Variants in TLE4 observed in about 807,000 individuals in gnomAD.
TLE4 encodes the protein transducin-like enhancer protein 4.
TLE4 carries 8 observed loss-of-function variants against 92.8 expected under a neutral mutation model. The observed-to-expected ratio is 0.09, with a 90% CI of 0.05 to 0.16. The LOEUF (loss-of-function observed/expected upper bound fraction) is 0.16. TLE4 is among the 10% of genes least tolerant of loss of function. The pLI is 1.00. For missense variants in TLE4, 675 were observed against 997.6 expected (o/e 0.68, Z 4.36); for synonymous variants, 371 against 374.1 (o/e 0.99, Z 0.10).
intron 5 of TLE4, among the ~76,000 whole-genome samples, chr9:79,621,486 G>C (rs962782932): frequency 6.6e-6 from 1 of 152,186 alleles, no homozygotes; most frequent in South Asian, 2.1e-4. Flanking sequence ...ATTAATGGCA[G>C]GGTAGATTTC....
intron 8 of TLE4, among the ~76,000 whole-genome samples, chr9:79,656,491 T>G (rs543509876): frequency 6.9e-6 from 1 of 144,434 alleles, no homozygotes; most frequent in South Asian, 2.1e-4. Context: ...TAATAAGTAA[T>G]TTTTGGCCAT....
chr9:79,720,360 C>T (rs2075361563), intron 16 of TLE4, 67 bp downstream of exon 16: 2 of 1,530,956 alleles, frequency 1.3e-6, no homozygotes, highest in Non-Finnish European at 1.8e-6. Context: ...TGCCAAAGTG[C>T]TGTGTATATA....
chr9:79,575,315 T>C (rs575949463), intron 3 of TLE4, among the ~76,000 whole-genome samples: 203 of 152,364 alleles, frequency 1.3e-3, no homozygotes, highest in African/African-American at 4.5e-3. Flanking sequence ...TTCTGTATGC[T>C]GTTAACATTG....
intron 8 of TLE4, among the ~76,000 whole-genome samples, chr9:79,680,027 G>A (rs1274121715): frequency 6.6e-6 from 1 of 152,018 alleles, no homozygotes; most frequent in Non-Finnish European, 1.5e-5. Context: ...TAGCCTTGTA[G>A]TATAGTTTGA....
intron 16 of TLE4, among the ~76,000 whole-genome samples, chr9:79,720,819 G>A (rs2075505965): frequency 6.6e-6 from 1 of 152,154 alleles, no homozygotes; most frequent in Non-Finnish European, 1.5e-5. Flanking sequence ...CCTATGCACT[G>A]TATTGGGTGC....
Position 79,724,816 on chromosome 9 carries a change from C to T in TLE4, c.2215-221C>T, listed in dbSNP as rs139195158. Among the ~76,000 whole-genome samples the T allele has an allele frequency of 5.4e-3, 701 of 130,286 alleles. 1 individual carries two copies. Among genetic ancestry groups the T allele is most frequent in the Middle Eastern group, 0.026 (5 of 196 alleles). 85.5% of individuals were successfully genotyped at this position (130,286 alleles called of 152,430 possible). On this transcript the variant is annotated intron_variant, in intron 19 of 19. Coordinates refer to ENST00000376552, the MANE Select transcript of TLE4 (RefSeq NM_007005.6). The stretch of plus-strand genomic sequence containing the variant: ...GAGCCATGGTCACACCACTGCACTG[C>T]AGCCTGAGTGACTGAGGGAGACCCT...
intron 4 of TLE4, among the ~76,000 whole-genome samples, chr9:79,592,439 C>T (rs888936050): frequency 6.6e-6 from 1 of 151,764 alleles, no homozygotes; most frequent in Admixed American, 6.6e-5. Context: ...CCACACCCGG[C>T]AATTTTTGTA....
intron 8 of TLE4, among the ~76,000 whole-genome samples, chr9:79,667,293 G>C (rs2061554090): frequency 6.6e-6 from 1 of 152,178 alleles, no homozygotes; most frequent in African/African-American, 2.4e-5. Flanking sequence ...CTTACAGGGT[G>C]TTGCTCAGCC....
intron 14 of TLE4, among the ~76,000 whole-genome samples, chr9:79,714,874 T>G (rs2074157598): frequency 6.6e-6 from 1 of 152,240 alleles, no homozygotes; most frequent in Admixed American, 6.5e-5. Flanking sequence ...CCTAGCAATG[T>G]TGACTTCCCT....
intron 2 of TLE4, among the ~76,000 whole-genome samples, chr9:79,574,397 T>C (rs1441021173): frequency 6.6e-6 from 1 of 152,180 alleles, no homozygotes; most frequent in Admixed American, 6.5e-5. Context: ...GGTATTCAAC[T>C]TGTCTGTGTG....
At chr9:79,654,970 C>A (rs573713514) in intron 8 of TLE4, among the ~76,000 whole-genome samples, 1 of 152,110 alleles carries the variant, frequency 6.6e-6, no homozygotes, top group Non-Finnish European at 1.5e-5. Context: ...GGCGAAACCC[C>A]GTCTCTATTA....
At chr9:79,707,362 T>A in intron 11 of TLE4, 3 of 695,062 alleles carry the variant, frequency 4.3e-6, no homozygotes, top group South Asian at 1.8e-5. Flanking sequence ...ACATCACAAA[T>A]CACAAATGCA....
chr9:79,664,108 G>A (rs1023836899), intron 8 of TLE4, among the ~76,000 whole-genome samples: 1 of 152,190 alleles, frequency 6.6e-6, no homozygotes, highest in East Asian at 1.9e-4. Flanking sequence ...GTGACACTGC[G>A]TGCAGAGGGG....
intron 4 of TLE4, among the ~76,000 whole-genome samples, chr9:79,578,851 G>C (rs1052517806): frequency 1.3e-5 from 2 of 149,956 alleles, no homozygotes; most frequent in African/African-American, 4.9e-5. Context: ...TTTTTAAAGG[G>C]GAACTTGGTG....
At chr9:79,574,324 T>C (rs2036993382) in intron 2 of TLE4, 1 of 152,382 alleles carries the variant, frequency 6.6e-6, no homozygotes, top group Non-Finnish European at 1.5e-5. Flanking sequence ...CTAATTCTTA[T>C]TTCATAAATG....
At chr9:79,586,223 C>T (rs373463257) in intron 4 of TLE4, among the ~76,000 whole-genome samples, 2 of 151,794 alleles carry the variant, frequency 1.3e-5, no homozygotes, top group Non-Finnish European at 1.5e-5. Context: ...ATTAACTGGG[C>T]GTGGTGGCGC....
intron 14 of TLE4, among the ~76,000 whole-genome samples, chr9:79,715,292 CT>C (rs953107092): frequency 6.6e-6 from 1 of 152,122 alleles, no homozygotes; most frequent in African/African-American, 2.4e-5. Context: ...TTGGAATAAT[CT>C]TTCTTTCTCT....
chr9:79,699,078 C>A (rs2069044512), intron 8 of TLE4, among the ~76,000 whole-genome samples: 1 of 152,036 alleles, frequency 6.6e-6, no homozygotes, highest in Admixed American at 6.6e-5. Context: ...TATTACTTTC[C>A]AAACTTACTC....
chr9:79,680,258 G>A (rs1218811296), intron 8 of TLE4, among the ~76,000 whole-genome samples: 2 of 151,196 alleles, frequency 1.3e-5, no homozygotes, highest in Non-Finnish European at 3.0e-5. Flanking sequence ...AGCATGGAAT[G>A]TTCTTCCATT....
Sources: gnomAD v4.1 joint callset for allele counts (sites outside exome capture counted in the v4.1 genomes callset) on GRCh38, gnomAD v4.1.1 for gene constraint, MANE v1.5 for transcripts, NCBI Gene and HGNC (gene_info 2026-07-23, HGNC 2026-07-21) for gene names.